DOCK8: variants seen among roughly 807,000 people sequenced by gnomAD.
DOCK8 encodes the protein dedicator of cytokinesis protein 8.
A neutral mutation model predicts 245.6 loss-of-function variants in DOCK8; 141 were observed. That is an observed-to-expected ratio of 0.57 (90% CI 0.50 to 0.66). The LOEUF is 0.66. Among genes scored for constraint, DOCK8 ranks in the 30% least tolerant of loss-of-function variants. The pLI is 0.00. For missense variants in DOCK8, 2,965 were observed against 2,603.4 expected (o/e 1.14, Z -3.02); for synonymous variants, 1,168 against 970.2 (o/e 1.20, Z -3.79).
intron 14 of DOCK8, among the ~76,000 whole-genome samples, chr9:348,047 G>C (rs186239710): frequency 3.0e-4 from 46 of 152,266 alleles, no homozygotes; most frequent in African/African-American, 1.1e-3. Context: ...CATCCTCCGA[G>C]ATCACTGTTG....
At position 382,612 on chromosome 9, in the gene DOCK8, G is replaced by A; in HGVS notation, c.2705G>A (p.Ser902Asn). 6.2e-7 allele frequency: 1 copy of A among 1,614,168 alleles called. No homozygotes were observed. The highest frequency in any genetic ancestry group is 8.5e-7 in the Non-Finnish European group (1 of 1,180,036). ...SSKLLQARVM[S>N]SSNPDLAGTH... The stretch of plus-strand genomic sequence containing the variant: ...AAGCTGCTGCAGGCCCGGGTGATGA[G>A]CAGCAGTAACCCAGACCTCGCGGGG... Residue 902 changes from serine to asparagine, a missense_variant, in exon 22 of 48, where the codon AGC becomes AAC. Coordinates refer to ENST00000432829, the MANE Select transcript of DOCK8 (RefSeq NM_203447.4).
chr9:309,984 G>A (rs145775938), intron 5 of DOCK8, among the ~76,000 whole-genome samples: 23 of 152,174 alleles, frequency 1.5e-4, no homozygotes, highest in African/African-American at 5.3e-4. Flanking sequence ...AGAAGTCATC[G>A]TGGCCAAGCG....
intron 34 of DOCK8, among the ~76,000 whole-genome samples, chr9:427,350 T>C (rs73639214): frequency 0.015 from 2,223 of 152,308 alleles, 51 homozygotes; most frequent in African/African-American, 0.05. Flanking sequence ...TCCAGTTGAA[T>C]GATGGTCACT....
chr9:325,853 C>G, intron 8 of DOCK8, 116 bp downstream of exon 8: 1 of 960,144 alleles, frequency 1.0e-6, no homozygotes, highest in Admixed American at 1.8e-5. Context: ...AGCAAATGAT[C>G]TTTGATGAGT....
intron 2 of DOCK8, among the ~76,000 whole-genome samples, chr9:282,445 G>A (rs12345523): frequency 7.0e-6 from 1 of 143,048 alleles, no homozygotes; most frequent in Non-Finnish European, 1.5e-5. Context: ...TCTAGAGACA[G>A]GGTCTTCCTG....
intron 14 of DOCK8, chr9:365,506 C>G (rs1350016605): frequency 2.1e-5 from 9 of 432,132 alleles, no homozygotes; most frequent in Non-Finnish European, 3.6e-5. Context: ...ATATATCATG[C>G]TTCTATTATA....
At chr9:334,191 T>A in intron 10 of DOCK8, 34 bp from the exon 11 acceptor site, 1 of 1,613,778 alleles carries the variant, frequency 6.2e-7, no homozygotes, top group South Asian at 1.1e-5. Flanking sequence ...GTGCTGATGC[T>A]TGTTTCAGCT....
At position 464,294 on chromosome 9, in the gene DOCK8, G is replaced by C. The variant is rs531414881; in HGVS notation, c.*75G>C. On this transcript the variant is annotated 3_prime_UTR_variant, in exon 48 of 48. Transcript: ENST00000432829. Reference sequence around the variant, plus strand: ...GGACTTGCTGGTACTTAAAAAATGGGACATTTGCCACCCAGGACTGACTGT... The same window carrying C: ...GGACTTGCTGGTACTTAAAAAATGGCACATTTGCCACCCAGGACTGACTGT... The C allele has an allele frequency of 1.6e-6, 2 of 1,279,950 alleles. No homozygotes were observed. Among genetic ancestry groups the C allele is most frequent in the Admixed American group, 1.7e-5 (1 of 59,566 alleles). 79.3% of individuals were successfully genotyped at this position (1,279,950 alleles called of 1,614,324 possible). A position where few individuals can be genotyped will look rare whatever the true frequency, so the allele number is the denominator to read the frequency against.
At chr9:314,658 C>T (rs2050269226) in intron 6 of DOCK8, among the ~76,000 whole-genome samples, 1 of 152,078 alleles carries the variant, frequency 6.6e-6, no homozygotes, top group Non-Finnish European at 1.5e-5. Context: ...TCTATACCAG[C>T]CCTTTAATAT....
intron 26 of DOCK8, among the ~76,000 whole-genome samples, chr9:400,955 A>ACCACCACCACCTCCT (rs1272290296): frequency 5.8e-5 from 7 of 119,746 alleles, no homozygotes; most frequent in Non-Finnish European, 1.3e-4. Context: ...CATCACCACC[A>ACCACCACCACCTCCT]CCACCACCAC....
chr9:402,894 A>G (rs1268185054), intron 26 of DOCK8, among the ~76,000 whole-genome samples: 2 of 151,490 alleles, frequency 1.3e-5, no homozygotes, highest in Non-Finnish European at 1.5e-5. Context: ...TGAAATGTCT[A>G]TTTTTTTTCT....
At chr9:258,232 CT>C (rs1177203228) in intron 1 of DOCK8, among the ~76,000 whole-genome samples, 5 of 152,232 alleles carry the variant, frequency 3.3e-5, no homozygotes, top group Non-Finnish European at 7.3e-5. Flanking sequence ...CTCTCCATGT[CT>C]TTACTGAAGT....
At chr9:352,268 A>C (rs76666763) in intron 14 of DOCK8, among the ~76,000 whole-genome samples, 4,183 of 152,224 alleles carry the variant, frequency 0.027, 207 homozygotes, top group African/African-American at 0.096. Context: ...TGCAGCATTG[A>C]GCATGGAATT....
chr9:436,140 A>G (rs971280198), intron 39 of DOCK8, among the ~76,000 whole-genome samples: 2 of 152,266 alleles, frequency 1.3e-5, no homozygotes, highest in Non-Finnish European at 2.9e-5. Context: ...CTGGTTTTCC[A>G]GAACACAGCA....
intron 40 of DOCK8, among the ~76,000 whole-genome samples, chr9:439,967 A>G (rs976758812): frequency 2.6e-5 from 4 of 152,200 alleles, no homozygotes; most frequent in Non-Finnish European, 5.9e-5. Context: ...AGAAAAATAT[A>G]TAGAGAGATG....
chr9:422,551 T>A (rs184683990), intron 33 of DOCK8, among the ~76,000 whole-genome samples: 19 of 152,360 alleles, frequency 1.2e-4, no homozygotes, highest in African/African-American at 4.1e-4. Flanking sequence ...AAAGTTGTTT[T>A]TTAAAATTGA....
In DOCK8 at chr9:279,557, C is replaced by T. The variant is rs7856558; in HGVS notation, c.157-6904C>T. ...CCTGGTACTGAGGATTTTCTCAGTA[C>T]ATGAGACTTTAAGAGACTGGGACAC... On this transcript the variant is annotated intron_variant, in intron 2 of 47. Transcript: ENST00000432829. Among the ~76,000 whole-genome samples the T allele has an allele frequency of 5.1e-3, 769 of 152,254 alleles. 5 individuals are homozygous for T. Among genetic ancestry groups the T allele is most frequent in the African/African-American group, 0.018 (740 of 41,546 alleles).
intron 26 of DOCK8, 21 bp downstream of exon 26, chr9:399,280 C>T: frequency 2.0e-6 from 3 of 1,514,478 alleles, no homozygotes; most frequent in South Asian, 1.1e-5. Flanking sequence ...CCCCCACCCC[C>T]ACCCCCGAGC....
chr9:454,715 C>T (rs1319081066), intron 46 of DOCK8: 1 of 152,202 alleles, frequency 6.6e-6, no homozygotes, highest in Non-Finnish European at 1.5e-5. Flanking sequence ...TCATTTACTT[C>T]AGTTTGCCTC....
Sources: allele counts gnomAD v4.1 joint callset (sites outside exome capture counted in the v4.1 genomes callset), GRCh38; gene constraint gnomAD v4.1.1; transcripts MANE v1.5; gene names NCBI Gene and HGNC (gene_info 2026-07-23, HGNC 2026-07-21).